The following NUP93 variants were observed in gnomAD, a reference collection of about 807,000 sequenced individuals.
NUP93 encodes nuclear pore complex protein Nup93.
Under a neutral mutation model 107.8 loss-of-function variants are expected in NUP93, and 55 were observed. The ratio of observed to expected loss-of-function variants is 0.51; its 90% CI spans 0.41 to 0.64. The LOEUF is 0.64. Among genes scored for constraint, NUP93 ranks in the 30% least tolerant of loss-of-function variants. The probability of loss-of-function intolerance (pLI) is 0.00; values close to 1 mark genes in which losing one functional copy is unlikely to be tolerated. For missense variants in NUP93, 937 were observed against 1,044.7 expected (o/e 0.90, Z 1.42); for synonymous variants, 390 against 397.5 (o/e 0.98, Z 0.22).
At chr16:56,834,008 C>A in intron 13 of NUP93, 120 bp from the exon 14 acceptor site, 1 of 1,424,700 alleles carries the variant, frequency 7.0e-7, no homozygotes, top group Non-Finnish European at 9.6e-7. Flanking sequence ...TATTAGCAAA[C>A]TTTGACTGGG....
rs765824089 is a variant in NUP93, at chr16:56,829,105, T to C, written c.923T>C (p.Leu308Pro). Reference sequence around the variant, plus strand: ...AAACTGCCAGCTCCCTTGCCTGGACTACAGGTACTGACAACTTTCTCTGTG... The same window carrying C: ...AAACTGCCAGCTCCCTTGCCTGGACCACAGGTACTGACAACTTTCTCTGTG... ...NIKLPAPLPG[L>P]QDGEVEGHPV... is the part of the protein sequence containing the mutation. Residue 308 changes from leucine (L) to proline (P), a missense_variant, in exon 9 of 22, where the codon CTA becomes CCA. Transcript: ENST00000308159. 1.2e-5 allele frequency: 19 copies of C among 1,612,380 alleles called. No homozygotes were observed. The highest frequency in any genetic ancestry group is 4.5e-5 in the East Asian group (2 of 44,866).
intron 1 of NUP93, chr16:56,740,826 C>G (rs1291343483): frequency 8.5e-5 from 15 of 177,028 alleles, no homozygotes; most frequent in Admixed American, 2.5e-4. Flanking sequence ...GGGCTGGAGA[C>G]CGGCCCGGCC....
intron 1 of NUP93, among the ~76,000 whole-genome samples, chr16:56,738,945 C>CTTT (rs35518694): frequency 0.058 from 7,598 of 131,718 alleles, 298 homozygotes; most frequent in East Asian, 0.085. Flanking sequence ...TGCTAAATTT[C>CTTT]TTTTTTTTTT....
chr16:56,742,225 A>C (rs1262961615), intron 1 of NUP93, among the ~76,000 whole-genome samples: 1 of 152,238 alleles, frequency 6.6e-6, no homozygotes, highest in Non-Finnish European at 1.5e-5. Context: ...ACGAGATGGC[A>C]ACACACCTAT....
intron 1 of NUP93, among the ~76,000 whole-genome samples, chr16:56,740,281 C>T (rs1175102855): frequency 2.0e-5 from 3 of 147,976 alleles, no homozygotes; most frequent in African/African-American, 5.0e-5. Context: ...GGGTGGTTGC[C>T]GGGCAGAGGG....
intron 6 of NUP93, among the ~76,000 whole-genome samples, chr16:56,820,351 C>T (rs1489816765): frequency 5.9e-5 from 9 of 152,164 alleles, no homozygotes; most frequent in Non-Finnish European, 1.3e-4. Context: ...GCTCTTTCAC[C>T]CAGGCTGGAG....
chr16:56,806,408 T>C (rs1963141087), intron 5 of NUP93, among the ~76,000 whole-genome samples: 2 of 152,100 alleles, frequency 1.3e-5, no homozygotes, highest in Admixed American at 1.3e-4. Flanking sequence ...GCCTCCTAAC[T>C]GGTTGTTGTT....
intron 17 of NUP93, 28 bp downstream of exon 17, chr16:56,836,745 C>A (rs1365748922): frequency 2.1e-6 from 3 of 1,436,456 alleles, no homozygotes; most frequent in African/African-American, 2.8e-5. Context: ...CCTTCTTTTG[C>A]ACTTCACAGG....
Position 56,846,651 on chromosome 16 carries a change from A to G in NUP93, c.*2042A>G, listed in dbSNP as rs531161664. 6.6e-6 allele frequency: 1 copy of G among 152,232 alleles called. No homozygotes were observed. Among genetic ancestry groups the G allele is most frequent in the Non-Finnish European group, 1.5e-5 (1 of 68,050 alleles). 9.4% of individuals were successfully genotyped at this position (152,232 alleles called of 1,614,324 possible). ...CTTGAACCCAAGAGGCGGAGGTTGC[A>G]GTGAGCCGAGCTTATGCCACTGCAC... On this transcript the variant is annotated 3_prime_UTR_variant, in exon 22 of 22. Coordinates refer to ENST00000308159, the MANE Select transcript of NUP93 (RefSeq NM_014669.5).
chr16:56,744,374 G>A (rs79863654), intron 1 of NUP93, among the ~76,000 whole-genome samples: 2 of 152,154 alleles, frequency 1.3e-5, no homozygotes, highest in African/African-American at 4.8e-5. Flanking sequence ...GATAAAAATT[G>A]TCCTAAATTT....
intron 6 of NUP93, 142 bp downstream of exon 6, chr16:56,818,880 A>C (rs1963488958): frequency 1.5e-6 from 1 of 646,338 alleles, no homozygotes; most frequent in Non-Finnish European, 2.7e-6. Flanking sequence ...ATATTTTAGC[A>C]TAGGCCACTG....
intron 12 of NUP93, 49 bp from the exon 13 acceptor site, chr16:56,833,166 C>T: frequency 6.5e-7 from 1 of 1,526,820 alleles, no homozygotes; most frequent in African/African-American, 1.4e-5. Context: ...CACCAGTGAG[C>T]CCCTTCTTTC....
chr16:56,769,142 T>C (rs922330290), intron 3 of NUP93, among the ~76,000 whole-genome samples: 1 of 152,172 alleles, frequency 6.6e-6, no homozygotes, highest in South Asian at 2.1e-4. Context: ...AGGATTTAAA[T>C]TGCATTTGCA....
rs1387767242 is a variant in NUP93, at chr16:56,845,682, G to C, written c.*1073G>C. ...CAGTGGGCAGTGGTCTGCTCTGCTG[G>C]TTTGATGGACGGCTCCCTGAGGTAG... On this transcript the variant is annotated 3_prime_UTR_variant, in exon 22 of 22. Transcript: ENST00000308159. 6.6e-6 allele frequency: 1 copy of C among 152,184 alleles called. No individual in the cohort carries two copies. The highest frequency in any genetic ancestry group is 1.5e-5 in the Non-Finnish European group (1 of 68,036). The allele number at this position is 152,184 out of a possible 1,614,324, so 9.4% of individuals were successfully genotyped here.
intron 2 of NUP93, among the ~76,000 whole-genome samples, chr16:56,748,787 A>G (rs1419851078): frequency 6.6e-6 from 1 of 152,168 alleles, no homozygotes; most frequent in Non-Finnish European, 1.5e-5. Flanking sequence ...GACCCCACAG[A>G]TAAGTTTTAC....
chr16:56,839,615 T>G lies in NUP93; in HGVS notation c.2220+11T>G. On this transcript the variant is annotated intron_variant, in intron 20 of 21. Coordinates refer to ENST00000308159, the MANE Select transcript of NUP93 (RefSeq NM_014669.5). ...AATTTCAGTGATGAAGTAAGTTCCT[T>G]CTTCCTGAGTTGTGGAATTCCTTTT... 6.2e-7 allele frequency: 1 copy of G among 1,600,264 alleles called. No individual in the cohort carries two copies. The highest frequency in any genetic ancestry group is 8.6e-7 in the Non-Finnish European group (1 of 1,167,494).
intron 2 of NUP93, among the ~76,000 whole-genome samples, chr16:56,757,992 A>G (rs1829175938): frequency 6.6e-6 from 1 of 151,914 alleles, no homozygotes; most frequent in South Asian, 2.1e-4. Flanking sequence ...AATCACATGA[A>G]CCTGGGAGGT....
At chr16:56,773,294 A>G (rs1193360438) in intron 3 of NUP93, among the ~76,000 whole-genome samples, 2 of 152,202 alleles carry the variant, frequency 1.3e-5, no homozygotes, top group Admixed American at 6.5e-5. Flanking sequence ...AACCTCATAT[A>G]TGCTTTTCAC....
chr16:56,740,198 T>C (rs1376358872), intron 1 of NUP93, among the ~76,000 whole-genome samples: 1 of 135,728 alleles, frequency 7.4e-6, no homozygotes, highest in African/African-American at 2.8e-5. Flanking sequence ...ATGGGGTGGC[T>C]GCCGGGCGGA....
Sources: gnomAD v4.1 joint callset for allele counts (sites outside exome capture counted in the v4.1 genomes callset) on GRCh38, gnomAD v4.1.1 for gene constraint, MANE v1.5 for transcripts, NCBI Gene and HGNC (gene_info 2026-07-23, HGNC 2026-07-21) for gene names.